The following TTLL10 variants were observed in gnomAD, a reference collection of about 807,000 sequenced individuals.
TTLL10 encodes inactive polyglycylase TTLL10.
Under a neutral mutation model 69.0 loss-of-function variants are expected in TTLL10, and 61 were observed. The ratio of observed to expected loss-of-function variants is 0.88; its 90% confidence interval spans 0.72 to 1.09. TTLL10 has a LOEUF of 1.09. Ranked by LOEUF, TTLL10 falls within the 50% of genes least tolerant of loss-of-function variation. The probability of loss-of-function intolerance (pLI) is 0.00; values close to 1 mark genes in which losing one functional copy is unlikely to be tolerated. For synonymous variants in TTLL10, 408 were observed against 393.3 expected, an observed-to-expected ratio of 1.04 and a Z score of -0.44; for missense variants, 962 against 945.9, an observed-to-expected ratio of 1.02 and a Z score of -0.22.
Position 1,181,455 on chromosome 1 carries a change from A to G in TTLL10, c.756-286A>G, listed in dbSNP as rs1647065668. ...TATCCCTCCTCACTTCATTTGGCCC[A>G]GACATTTTTGCACCAAGCACCCGCC... On this transcript the variant is annotated intron_variant, in intron 8 of 15. Transcript: ENST00000379289. The surrounding 1 kb of genome is among the most constrained non-coding windows in gnomAD (Gnocchi z 4.6). 6.6e-6 allele frequency among the ~76,000 whole-genome samples: 1 copy of G among 151,872 alleles called. No individual in the cohort carries two copies. Among genetic ancestry groups the G allele is most frequent in the African/African-American group, 2.4e-5 (1 of 41,320 alleles).
rs1427475235 is a variant in TTLL10, at chr1:1,179,006, G to A, written c.-27-183G>A. The stretch of plus-strand genomic sequence containing the variant: ...TGCAGAGACAGCCTCGCCCCCACAC[G>A]GCGCCAGGCCCCACAGCTGCCACAG... On this transcript the variant is annotated intron_variant, in intron 3 of 15. Transcript: ENST00000379289. 2.6e-5 allele frequency among the ~76,000 whole-genome samples: 4 copies of A among 152,208 alleles called. 1 individual carries two copies. The highest frequency in any genetic ancestry group is 4.4e-5 in the Non-Finnish European group (3 of 68,030).
rs1646981015 is a variant in TTLL10 at position 1,179,644 on chromosome 1, C to T, written c.119-13C>T. The T allele has an allele frequency of 6.4e-7, 1 of 1,550,742 alleles. No individual in the cohort carries two copies. The highest frequency in any genetic ancestry group is 1.2e-5 in the South Asian group (1 of 84,070). On this transcript the variant is annotated splice_polypyrimidine_tract_variant and intron_variant, in intron 4 of 15. Transcript: ENST00000379289. ...ATGACATCATCATGGACATTGTGACCCCTGCCCTCCAGGGACCATCCCTGC... is the reference window on the plus strand; with the variant it reads ...ATGACATCATCATGGACATTGTGACTCCTGCCCTCCAGGGACCATCCCTGC...
rs1054823899 is a variant in TTLL10, at chr1:1,185,546, A to T, written c.1401+437A>T. 3 of 1,003,600 alleles carry T rather than the reference A, an allele frequency of 3.0e-6. No individual in the cohort carries two copies. In the South Asian group the frequency reaches 1.3e-4, roughly 45 times the overall value. The allele number at this position is 1,003,600 out of a possible 1,614,324, so 62.2% of individuals were successfully genotyped here. Reference sequence around the variant, plus strand: ...CCTAGCTAAGGGCCATGTGCGGTGGAGTGTCCTAATTTTGCAGGGTTCCTT... The same window carrying T: ...CCTAGCTAAGGGCCATGTGCGGTGGTGTGTCCTAATTTTGCAGGGTTCCTT... On this transcript the variant is annotated intron_variant, in intron 13 of 15. Transcript: ENST00000379289. The surrounding 1 kb of genome is among the most constrained non-coding windows in gnomAD (Gnocchi z 6.1).
At chr1:1,190,853 T>G (rs567837316) in intron 13 of TTLL10, among the ~76,000 whole-genome samples, 1 of 152,160 alleles carries the variant, frequency 6.6e-6, no homozygotes, top group Admixed American at 6.5e-5. Context: ...GAGATGGAGT[T>G]TCGCTCTTGT....
intron 13 of TTLL10, among the ~76,000 whole-genome samples, chr1:1,194,959 C>G (rs1648094047): frequency 6.6e-6 from 1 of 152,140 alleles, no homozygotes; most frequent in Admixed American, 6.6e-5. Flanking sequence ...ACCCACAAGT[C>G]TCTGAGGCTT....
chr1:1,191,051 A>G (rs1647739105), intron 13 of TTLL10, among the ~76,000 whole-genome samples: 1 of 152,202 alleles, frequency 6.6e-6, no homozygotes, highest in South Asian at 2.1e-4. Flanking sequence ...GCTGGTCTTG[A>G]ACTCCTGACC....
In TTLL10 at chr1:1,197,736, C is replaced by T. The variant is rs1363559091; in HGVS notation, c.1911C>T (p.Pro637=). 3.9e-6 allele frequency: 6 copies of T among 1,534,078 alleles called. No individual in the cohort carries two copies. The Admixed American group carries it at 9.9e-5, about 25-fold the overall frequency. ...TGGACAGCGCCCACGATGGGGAGCC[C>T]CAGGCCCCGGGCACGGAGCAGTCGG... ...PDLDSAHDGE[P]QAPGTEQSGT... is the part of the protein sequence containing the mutation. Residue 637 remains proline, a synonymous_variant, in exon 16 of 16, where the codon CCC becomes CCT. Coordinates refer to ENST00000379289, the MANE Select transcript of TTLL10 (RefSeq NM_001130045.2).
chr1:1,197,077 C>A lies in TTLL10; in HGVS notation c.1519-16C>A, dbSNP rs1407451384. The A allele has an allele frequency of 6.4e-7, 1 of 1,551,040 alleles. No homozygotes were observed. ...TGGGCTCGGGGTGAGGAGGGACTGA[C>A]TGGCGTCTGGGGCAGGTATGGCTGC... On this transcript the variant is annotated splice_polypyrimidine_tract_variant and intron_variant, in intron 14 of 15. Transcript: ENST00000379289.
At chr1:1,197,406 C>T (rs1466984463) in intron 15 of TTLL10, 32 bp from the exon 16 acceptor site, 2 of 1,470,722 alleles carry the variant, frequency 1.4e-6, no homozygotes, top group Non-Finnish European at 1.8e-6. Context: ...GCCTCTGCCC[C>T]CCACTCACCC....
intron 14 of TTLL10, 110 bp downstream of exon 14, chr1:1,196,826 C>CA (rs1648248291): frequency 1.2e-6 from 1 of 868,474 alleles, no homozygotes; most frequent in African/African-American, 1.7e-5. Flanking sequence ...AGTCAGCCCC[C>CA]ACCCTGCCTG....
chr1:1,180,739 CT>C lies in TTLL10; in HGVS notation c.635del (p.Leu212ArgfsTer28). 1 of 1,606,430 alleles carries C rather than the reference CT, an allele frequency of 6.2e-7. No individual in the cohort carries two copies. Among genetic ancestry groups the C allele is most frequent in the Non-Finnish European group, 8.5e-7 (1 of 1,176,940 alleles). ...TGGCCTCTGACCTCCAGGAGAGCAG[CT>C]GCTGTACCAGCTTCCCAACAACAAG... The part of the protein sequence containing the change: ...SYGSFREGEQ[L>X]LYQLPNNKLL... On this transcript the variant is annotated frameshift_variant, in exon 8 of 16. Transcript: ENST00000379289. LOFTEE classifies it high-confidence loss of function.
In TTLL10 at chr1:1,180,220, AC is replaced by A. The variant is rs1557475480; in HGVS notation, c.387del (p.Asn129LysfsTer64). ...SHRPADSDDT[N>X]AAGPSAALLE... ...CGGCCTGCAGACTCGGATGACACTA[AC>A]GCCGCCGGGCCCTCAGCTGCCCTCC... On this transcript the variant is annotated frameshift_variant, in exon 6 of 16. Transcript: ENST00000379289. LOFTEE classifies it high-confidence loss of function. 6.2e-6 allele frequency: 10 copies of A among 1,609,796 alleles called. No homozygotes were observed. The highest frequency in any genetic ancestry group is 8.5e-6 in the Non-Finnish European group (10 of 1,178,844).
chr1:1,190,244 CT>C (rs1400127867), intron 13 of TTLL10, among the ~76,000 whole-genome samples: 3 of 145,922 alleles, frequency 2.1e-5, no homozygotes, highest in African/African-American at 8.0e-5. Context: ...TGATTCTTCT[CT>C]CCTTTTTTTT....
At chr1:1,176,377 A>C (rs1301846857) in intron 3 of TTLL10, 11 of 455,480 alleles carry the variant, frequency 2.4e-5, no homozygotes, top group Non-Finnish European at 4.8e-5. Flanking sequence ...AGAGAGGCTG[A>C]CGCTGTACAG....
At chr1:1,177,025 TGTCTGTGTGTGTCAGC>T (rs1646890062) in intron 3 of TTLL10, among the ~76,000 whole-genome samples, 1 of 151,978 alleles carries the variant, frequency 6.6e-6, no homozygotes, top group Non-Finnish European at 1.5e-5. Flanking sequence ...CATGTCTGCG[TGTCTGTGTGTGTCAGC>T]GTCTGTGTGT....
In TTLL10 at chr1:1,185,275, A is replaced by T. The variant is rs1280237643; in HGVS notation, c.1401+166A>T. 1 of 1,417,874 alleles carries T rather than the reference A, an allele frequency of 7.1e-7. No individual in the cohort carries two copies. Among genetic ancestry groups the T allele is most frequent in the Non-Finnish European group, 9.2e-7 (1 of 1,088,120 alleles). The allele number at this position is 1,417,874 out of a possible 1,614,324, so 87.8% of individuals were successfully genotyped here. A position where few individuals can be genotyped will look rare whatever the true frequency, so the allele number is the denominator to read the frequency against. ...ACCCTTCCAGCGTCTCTGCTCACTT[A>T]GCTGGCAGTGCCTGTCCCCAGCAGC... On this transcript the variant is annotated intron_variant, in intron 13 of 15. Transcript: ENST00000379289. This position sits in a 1 kb window ranked among gnomAD's most constrained non-coding sequence, Gnocchi z 6.1.
intron 1 of TTLL10, 105 bp from the exon 2 acceptor site, chr1:1,174,180 G>C (rs1266276299): frequency 3.3e-5 from 5 of 152,442 alleles, no homozygotes; most frequent in Non-Finnish European, 4.4e-5. Flanking sequence ...GGGAGGGCTG[G>C]GCAGCCCTGG....
chr1:1,179,575 C>T, intron 4 of TTLL10, 82 bp from the exon 5 acceptor site: 1 of 1,535,828 alleles, frequency 6.5e-7, no homozygotes. Context: ...CCTGGAAGGG[C>T]AGCCCCTCGT....
Position 1,197,916 on chromosome 1 carries a change from T to C in TTLL10, c.*69T>C. 3.7e-6 allele frequency: 5 copies of C among 1,365,186 alleles called. No homozygotes were observed. The South Asian group carries it at 5.1e-5, about 14-fold the overall frequency. The allele number at this position is 1,365,186 out of a possible 1,614,324, so 84.6% of individuals were successfully genotyped here. A position where few individuals can be genotyped will look rare whatever the true frequency, so the allele number is the denominator to read the frequency against. ...CGTGCTGCCTGCCCTCAGGGACCTA[T>C]AAAGCCCACTTTGCTACAAACACAG... On this transcript the variant is annotated 3_prime_UTR_variant, in exon 16 of 16. Transcript: ENST00000379289.
Sources: allele counts gnomAD v4.1 joint callset (sites outside exome capture counted in the v4.1 genomes callset), GRCh38; gene constraint gnomAD v4.1.1; non-coding constraint Gnocchi (gnomAD v3.1); transcripts MANE v1.5; gene names NCBI Gene and HGNC (gene_info 2026-07-23, HGNC 2026-07-21).